Variants in SETDB1 observed in about 807,000 individuals in gnomAD.
SETDB1 encodes the protein SET domain bifurcated histone lysine methyltransferase 1, also known as histone-lysine N-methyltransferase SETDB1.
A neutral mutation model predicts 137.4 loss-of-function variants in SETDB1; 31 were observed. The ratio of observed to expected loss-of-function variants is 0.23; its 90% CI spans 0.17 to 0.30. SETDB1 has a LOEUF of 0.30. Among genes scored for constraint, SETDB1 ranks in the 10% least tolerant of loss-of-function variants. The pLI is 1.00. For missense variants in SETDB1, 1,113 were observed against 1,631.5 expected, an observed-to-expected ratio of 0.68 and a Z score of 5.47; for synonymous variants, 548 against 579.9, an observed-to-expected ratio of 0.95 and a Z score of 0.79.
chr1:150,958,267 T>TG (rs1367667481), intron 14 of SETDB1, among the ~76,000 whole-genome samples: 6 of 148,636 alleles, frequency 4.0e-5, no homozygotes, highest in Non-Finnish European at 6.0e-5. Flanking sequence ...TTTTTTTTTT[T>TG]TTGTGACAGA....
intron 8 of SETDB1, among the ~76,000 whole-genome samples, chr1:150,944,664 A>T (rs1571642163): frequency 6.6e-6 from 1 of 152,206 alleles, no homozygotes; most frequent in African/African-American, 2.4e-5. Flanking sequence ...GAGGAGAAAC[A>T]TCCATTTGTG....
chr1:150,962,452 C>T (rs940841201), intron 17 of SETDB1, 135 bp from the exon 18 acceptor site: 20 of 849,310 alleles, frequency 2.4e-5, no homozygotes, highest in Non-Finnish European at 3.7e-5. Flanking sequence ...GCTGGGATTA[C>T]AGCCATGAGC....
chr1:150,933,976 T>C (rs1390438385), intron 3 of SETDB1, among the ~76,000 whole-genome samples: 1 of 150,598 alleles, frequency 6.6e-6, no homozygotes, highest in African/African-American at 2.4e-5. Flanking sequence ...AGAGACAGGG[T>C]TTCTCCATGT....
intron 5 of SETDB1, among the ~76,000 whole-genome samples, chr1:150,942,023 T>C (rs1399141869): frequency 6.6e-6 from 1 of 151,110 alleles, no homozygotes; most frequent in East Asian, 1.9e-4. Flanking sequence ...GCCTGTAATC[T>C]CAGCTACTCA....
intron 3 of SETDB1, among the ~76,000 whole-genome samples, chr1:150,936,043 A>G (rs972539514): frequency 3.3e-5 from 5 of 152,136 alleles, no homozygotes; most frequent in African/African-American, 1.2e-4. Flanking sequence ...CTGGAGTGCA[A>G]TGGCGCAATC....
Position 150,964,563 on chromosome 1 carries a change from C to A in SETDB1, c.*199C>A. The A allele has an allele frequency of 2.9e-6, 2 of 701,142 alleles. No individual in the cohort carries two copies. The highest frequency in any genetic ancestry group is 5.2e-6 in the Non-Finnish European group (2 of 384,670). 43.4% of individuals were successfully genotyped at this position (701,142 alleles called of 1,614,324 possible). ...GGATCCCTTCTCCACCTCCAAAGGC[C>A]CTAAAGGGTGGGGAGAGATCACCAC... On this transcript the variant is annotated 3_prime_UTR_variant, in exon 22 of 22. Coordinates refer to ENST00000692827, the MANE Select transcript of SETDB1 (RefSeq NM_001366418.1).
intron 13 of SETDB1, 52 bp downstream of exon 13, chr1:150,951,142 C>T (rs764872363): frequency 6.5e-7 from 1 of 1,543,120 alleles, no homozygotes; most frequent in East Asian, 2.3e-5. Context: ...GTTATGGTGT[C>T]TGTTTCACCT....
chr1:150,964,709 A>G lies in SETDB1; in HGVS notation c.*345A>G. 1 of 583,118 alleles carries G rather than the reference A, an allele frequency of 1.7e-6. No individual in the cohort carries two copies. The highest frequency in any genetic ancestry group is 1.9e-5 in the African/African-American group (1 of 53,730). The allele number at this position is 583,118 out of a possible 1,614,324, so 36.1% of individuals were successfully genotyped here. On this transcript the variant is annotated 3_prime_UTR_variant, in exon 22 of 22. Coordinates refer to ENST00000692827, the MANE Select transcript of SETDB1 (RefSeq NM_001366418.1). ...TATCTCCAGTTTGTATTATTTCTTG[A>G]AAGTCTTTTAACAATATGATAAAAC...
At chr1:150,931,261 C>CCAAAAAAAAA (rs1669728313) in intron 3 of SETDB1, among the ~76,000 whole-genome samples, 10 of 67,476 alleles carry the variant, frequency 1.5e-4, no homozygotes, top group Middle Eastern at 0.013. Context: ...CTCTTGTCTT[C>CCAAAAAAAAA]AAAAAAAAAA....
chr1:150,953,817 A>G, intron 14 of SETDB1, among the ~76,000 whole-genome samples: 1 of 152,028 alleles, frequency 6.6e-6, no homozygotes, highest in East Asian at 1.9e-4. Flanking sequence ...CAACACAACA[A>G]GACTCCGTCT....
Position 150,945,028 on chromosome 1 carries a change from A to G in SETDB1, c.1060A>G (p.Ile354Val), listed in dbSNP as rs1670281785. ...PMVLLKSGQL[I>V]KTEWEGTWWK... ...GGTACTGCTCAAGAGTGGCCAGCTT[A>G]TCAAGACTGAGTGGGAAGGCACGTG... The change falls in exon 9 of 22, where the codon ATC becomes GTC. Residue 354 changes from isoleucine to valine, a missense_variant. This residue lies in a region of SETDB1 where 154 missense variants were observed against 303.1 expected (regional missense o/e 0.51). Coordinates refer to ENST00000692827, the MANE Select transcript of SETDB1 (RefSeq NM_001366418.1). The G allele has an allele frequency of 6.2e-7, 1 of 1,614,142 alleles. No homozygotes were observed. Among genetic ancestry groups the G allele is most frequent in the Non-Finnish European group, 8.5e-7 (1 of 1,180,032 alleles).
chr1:150,951,647 T>A (rs1670493258), intron 14 of SETDB1, among the ~76,000 whole-genome samples, 166 bp downstream of exon 14: 1 of 152,104 alleles, frequency 6.6e-6, no homozygotes, highest in South Asian at 2.1e-4. Flanking sequence ...CCAAAACACA[T>A]TTTTTTTCTT....
intron 14 of SETDB1, among the ~76,000 whole-genome samples, chr1:150,952,505 T>A (rs369033744): frequency 6.6e-6 from 1 of 152,140 alleles, no homozygotes; most frequent in Non-Finnish European, 1.5e-5. Context: ...TCTTAGTGGT[T>A]GTTGGTGCTT....
At position 150,961,239 on chromosome 1, in the gene SETDB1, C is replaced by T. The variant is rs373249170; in HGVS notation, c.3132+48C>T. On this transcript the variant is annotated intron_variant, in intron 16 of 21. Coordinates refer to ENST00000692827, the MANE Select transcript of SETDB1 (RefSeq NM_001366418.1). Reference sequence around the variant, plus strand: ...GAGAGCTATGGCTTTAACTTTGGTGCAGTAACAATGCAGTCTCACCATGAG... The same window carrying T: ...GAGAGCTATGGCTTTAACTTTGGTGTAGTAACAATGCAGTCTCACCATGAG... The T allele has an allele frequency of 8.9e-6, 14 of 1,573,386 alleles. No individual in the cohort carries two copies. In the African/African-American group the frequency reaches 1.5e-4, roughly 17 times the overall value.
intron 3 of SETDB1, among the ~76,000 whole-genome samples, chr1:150,939,191 A>G (rs909242399): frequency 6.1e-5 from 9 of 147,220 alleles, no homozygotes; most frequent in African/African-American, 1.8e-4. Context: ...ACATTAGGTG[A>G]TCCACCCACC....
chr1:150,960,615 T>C lies in SETDB1; in HGVS notation c.2556T>C (p.Asp852=), dbSNP rs774020616. 1.9e-5 allele frequency: 31 copies of C among 1,613,664 alleles called. No individual in the cohort carries two copies. The South Asian group carries it at 3.4e-4, about 18-fold the overall frequency. Residue 852 remains aspartate, a synonymous_variant, in exon 16 of 22, where the codon GAT becomes GAC. Coordinates refer to ENST00000692827, the MANE Select transcript of SETDB1 (RefSeq NM_001366418.1). ...FADKEGLEMG[D]EYFANLDHIE... ...ACAAGGAGGGTCTGGAAATGGGTGATGAGTACTTTGCAAATCTGGACCATA... is the reference window on the plus strand; with the variant it reads ...ACAAGGAGGGTCTGGAAATGGGTGACGAGTACTTTGCAAATCTGGACCATA...
At chr1:150,929,872 C>T (rs1223275065) in intron 2 of SETDB1, 95 bp from the exon 3 acceptor site, 2 of 952,062 alleles carry the variant, frequency 2.1e-6, no homozygotes, top group African/African-American at 3.3e-5. Context: ...AAATTGAGGA[C>T]TGTCTATACT....
At chr1:150,949,561 C>A in intron 12 of SETDB1, 36 bp downstream of exon 12, 1 of 1,597,676 alleles carries the variant, frequency 6.3e-7, no homozygotes, top group Non-Finnish European at 8.6e-7. Flanking sequence ...GGCAGGATAG[C>A]AATGAGTGGT....
intron 1 of SETDB1, among the ~76,000 whole-genome samples, chr1:150,927,214 C>A (rs1386590603): frequency 6.6e-6 from 1 of 152,204 alleles, no homozygotes; most frequent in South Asian, 2.1e-4. Flanking sequence ...ACAGCAGCTA[C>A]TCCTGGGCTC....
Sources: gnomAD v4.1 joint callset for allele counts (sites outside exome capture counted in the v4.1 genomes callset) on GRCh38, gnomAD v4.1.1 for gene constraint, gnomAD v4.1.1 regional missense constraint, MANE v1.5 for transcripts, NCBI Gene and HGNC (gene_info 2026-07-23, HGNC 2026-07-21) for gene names.